ECD: variants seen among roughly 807,000 people sequenced by gnomAD.
ECD encodes protein ecdysoneless homolog.
ECD carries 59 observed loss-of-function variants against 77.2 expected under a neutral mutation model. That is an observed-to-expected ratio of 0.76 (90% confidence interval 0.62 to 0.95). The LOEUF (loss-of-function observed/expected upper bound fraction) is 0.95, where lower values mean the gene tolerates loss of function less well. Ranked by LOEUF, ECD falls within the 40% of genes least tolerant of loss-of-function variation. The pLI is 0.00. For synonymous variants in ECD, 233 were observed against 267.4 expected, an observed-to-expected ratio of 0.87 and a Z score of 1.26; for missense variants, 704 against 763.4, an observed-to-expected ratio of 0.92 and a Z score of 0.92.
At chr10:73,162,572 G>T (rs1564668130) in intron 2 of ECD, among the ~76,000 whole-genome samples, 1 of 152,156 alleles carries the variant, frequency 6.6e-6, no homozygotes, top group Admixed American at 6.5e-5. Flanking sequence ...TGTAGCAATT[G>T]TTGCCAAAAG....
Position 73,142,230 on chromosome 10 carries a change from A to T in ECD, c.1128-2493T>A, listed in dbSNP as rs186972870. On this transcript the variant is annotated intron_variant, in intron 9 of 13. Transcript: ENST00000372979. ...CACCATGTTGGCCAGGTTGGTCTCA[A>T]ACTCCTGACCTCAGGTGATTCACCC... is the stretch of plus-strand genomic sequence containing the variant. Among the ~76,000 whole-genome samples the T allele has an allele frequency of 5.1e-4, 78 of 152,092 alleles. 1 individual carries two copies. The highest frequency in any genetic ancestry group is 1.9e-3 in the African/African-American group (77 of 41,490).
Position 73,154,403 on chromosome 10 carries a change from G to A in ECD, c.636C>T (p.Phe212=). 3 of 1,613,570 alleles carry A rather than the reference G, an allele frequency of 1.9e-6. No individual in the cohort carries two copies. Among genetic ancestry groups the A allele is most frequent in the Non-Finnish European group, 2.5e-6 (3 of 1,179,866 alleles). ...GCACTGCCACAATGCCAGCTGGAAG[G>A]AAGCAGTGTGCTCGATGAAGTGAGG... The part of the protein sequence containing the change: ...IQASLHRAHC[F]LPAGIVAVLK... The change falls in exon 6 of 14, where the codon TTC becomes TTT. Residue 212 remains phenylalanine (F), a synonymous_variant. Coordinates refer to ENST00000372979, the MANE Select transcript of ECD (RefSeq NM_007265.3).
intron 11 of ECD, 96 bp downstream of exon 11, chr10:73,139,213 A>T: frequency 1.7e-6 from 2 of 1,163,694 alleles, no homozygotes; most frequent in Non-Finnish European, 1.2e-6. Flanking sequence ...CAACTCATTT[A>T]CTCAAAAAAA....
intron 9 of ECD, among the ~76,000 whole-genome samples, chr10:73,140,833 GGTCT>G (rs1364077117): frequency 6.7e-6 from 1 of 150,372 alleles, no homozygotes; most frequent in Non-Finnish European, 1.5e-5. Context: ...GCAGAGACAG[GGTCT>G]CTCTCTATAT....
intron 9 of ECD, among the ~76,000 whole-genome samples, chr10:73,140,234 T>C (rs892834018): frequency 1.3e-5 from 2 of 151,940 alleles, no homozygotes; most frequent in African/African-American, 4.8e-5. Flanking sequence ...CCCCCTGCCT[T>C]GGCCTCCCAA....
chr10:73,165,979 C>T (rs1843453313), intron 1 of ECD, among the ~76,000 whole-genome samples: 1 of 152,106 alleles, frequency 6.6e-6, no homozygotes, highest in East Asian at 1.9e-4. Context: ...CAACCCTTCC[C>T]AGCTTCTGGT....
chr10:73,167,987 C>G lies in ECD; in HGVS notation c.-135G>C, dbSNP rs1265495264. On this transcript the variant is annotated 5_prime_UTR_variant, in exon 1 of 14. Coordinates refer to ENST00000372979, the MANE Select transcript of ECD (RefSeq NM_007265.3). ...AAGCCTGGATCAGGCTCTGTCCCGA[C>G]GCCTGACCGGAACCTGAAGCCAGCG... The G allele has an allele frequency of 2.0e-5, 6 of 300,248 alleles. No homozygotes were observed. The highest frequency in any genetic ancestry group is 1.1e-3 in the Middle Eastern group (1 of 938). The allele number at this position is 300,248 out of a possible 1,614,324, so 18.6% of individuals were successfully genotyped here.
intron 3 of ECD, among the ~76,000 whole-genome samples, chr10:73,160,010 C>T (rs954658487): frequency 9.9e-5 from 15 of 151,132 alleles, no homozygotes; most frequent in South Asian, 4.2e-4. Context: ...TATGGCTGGG[C>T]GCGGTGGCTT....
At chr10:73,161,448 T>A (rs536917518) in intron 2 of ECD, among the ~76,000 whole-genome samples, 1 of 152,042 alleles carries the variant, frequency 6.6e-6, no homozygotes, top group Admixed American at 6.6e-5. Flanking sequence ...GTAAGTTGGA[T>A]AACCTATAAG....
rs534080815 is a variant in ECD at position 73,135,849 on chromosome 10, G to A, written c.1704+855C>T. 2.0e-4 allele frequency among the ~76,000 whole-genome samples: 31 copies of A among 152,004 alleles called. No homozygotes were observed. The South Asian group carries it at 4.8e-3, about 23-fold the overall frequency. ...TAACATGATCTTTTGGTTTATATTC[G>A]CATTAAAATTTAAGAAATACTGCTT... is the stretch of plus-strand genomic sequence containing the variant. On this transcript the variant is annotated intron_variant, in intron 13 of 13. Transcript: ENST00000372979.
intron 8 of ECD, among the ~76,000 whole-genome samples, chr10:73,148,012 C>T (rs1843150619): frequency 6.6e-6 from 1 of 152,054 alleles, no homozygotes; most frequent in South Asian, 2.1e-4. Context: ...TTTGCATTAT[C>T]AAGTTTTTGC....
chr10:73,147,032 G>A (rs1256671119), intron 8 of ECD, among the ~76,000 whole-genome samples: 3 of 152,038 alleles, frequency 2.0e-5, no homozygotes, highest in Non-Finnish European at 4.4e-5. Flanking sequence ...GAGGACATGA[G>A]TTTGAGACCA....
chr10:73,134,870 G>A, intron 13 of ECD, 57 bp from the exon 14 acceptor site: 8 of 1,428,304 alleles, frequency 5.6e-6, no homozygotes, highest in East Asian at 2.3e-5. Context: ...GTTGCATGGT[G>A]GTTACAATAA....
rs1842954754 is a variant in ECD at position 73,134,491 on chromosome 10, C to A, written c.*92G>T. The stretch of plus-strand genomic sequence containing the variant: ...ATCTGTAAAACTTGTAATGAAGAAA[C>A]ATTTTTACTAAATGAGTAATCTAAA... On this transcript the variant is annotated 3_prime_UTR_variant, in exon 14 of 14. Coordinates refer to ENST00000372979, the MANE Select transcript of ECD (RefSeq NM_007265.3). 2 of 1,241,896 alleles carry A rather than the reference C, an allele frequency of 1.6e-6. No homozygotes were observed. The highest frequency in any genetic ancestry group is 2.6e-5 in the East Asian group (1 of 39,036). 76.9% of individuals were successfully genotyped at this position (1,241,896 alleles called of 1,614,324 possible). A position where few individuals can be genotyped will look rare whatever the true frequency, so the allele number is the denominator to read the frequency against.
chr10:73,154,576 GA>G, intron 5 of ECD, 128 bp from the exon 6 acceptor site: 1 of 836,926 alleles, frequency 1.2e-6, no homozygotes, highest in Non-Finnish European at 1.7e-6. Context: ...CAAGAGAGAT[GA>G]AAAAAGATAC....
chr10:73,134,890 T>C, intron 13 of ECD, 77 bp from the exon 14 acceptor site: 1 of 1,221,946 alleles, frequency 8.2e-7, no homozygotes, highest in Non-Finnish European at 1.2e-6. Flanking sequence ...AAAAGATAAC[T>C]AAGCCACAAT....
rs372341430 is a variant in ECD at position 73,166,907 on chromosome 10, T to C, written c.-14+959A>G. On this transcript the variant is annotated intron_variant, in intron 1 of 13. Coordinates refer to ENST00000372979, the MANE Select transcript of ECD (RefSeq NM_007265.3). The stretch of plus-strand genomic sequence containing the variant: ...TTGCCCACTCTAATGTCCTAGAGAG[T>C]TTCCCCAATATTTCCTTTTAGTAGT... 8.1e-4 allele frequency among the ~76,000 whole-genome samples: 123 copies of C among 152,322 alleles called. 3 individuals carry two copies. The South Asian group carries it at 0.013, about 16-fold the overall frequency.
intron 7 of ECD, among the ~76,000 whole-genome samples, chr10:73,149,635 G>C (rs530000346): frequency 6.6e-6 from 1 of 152,252 alleles, no homozygotes; most frequent in South Asian, 2.1e-4. Context: ...GCCCATTTAA[G>C]GTAGGCTAGG....
At chr10:73,163,701 C>T in intron 2 of ECD, 32 bp downstream of exon 2, 2 of 1,600,456 alleles carry the variant, frequency 1.2e-6, no homozygotes, top group East Asian at 2.2e-5. Context: ...CATTAAAAGT[C>T]ACACTAATCC....
Sources: allele counts gnomAD v4.1 joint callset (sites outside exome capture counted in the v4.1 genomes callset), GRCh38; gene constraint gnomAD v4.1.1; transcripts MANE v1.5; gene names NCBI Gene and HGNC (gene_info 2026-07-23, HGNC 2026-07-21).